PRUNE2: variants seen among roughly 807,000 people sequenced by gnomAD.
The protein encoded by PRUNE2 is protein prune homolog 2.
A neutral mutation model predicts 252.0 loss-of-function variants in PRUNE2; 164 were observed. The observed-to-expected ratio is 0.65, with a 90% confidence interval of 0.57 to 0.74. The LOEUF (loss-of-function observed/expected upper bound fraction) is 0.74. Among genes scored for constraint, PRUNE2 ranks in the 30% least tolerant of loss-of-function variants. The pLI, the probability that PRUNE2 is intolerant of heterozygous loss-of-function variation, is 0.00. For synonymous variants in PRUNE2, 1,292 were observed against 1,350.2 expected (o/e 0.96, Z 0.94); for missense variants, 3,495 against 3,711.0 (o/e 0.94, Z 1.51).
chr9:76,647,396 T>C lies in PRUNE2; in HGVS notation c.8558-2487A>G, dbSNP rs187244349. Among the ~76,000 whole-genome samples the C allele has an allele frequency of 5.4e-4, 82 of 152,272 alleles. No individual in the cohort carries two copies. In the East Asian group the frequency reaches 0.015, roughly 28 times the overall value. On this transcript the variant is annotated intron_variant, in intron 11 of 18. Transcript: ENST00000376718. ...ACAAAAGTTAATTGAAAATGGATCA[T>C]AGACCTAAATGTAAAATTCAAAACT...
intron 18 of PRUNE2, among the ~76,000 whole-genome samples, chr9:76,617,287 A>G (rs1329020): frequency 0.92 from 140,791 of 152,214 alleles, 65,204 homozygotes; most frequent in Admixed American, 0.95. Flanking sequence ...GGCCACTACG[A>G]TAACAGCACA....
At chr9:76,820,364 G>A (rs1050027593) in intron 6 of PRUNE2, among the ~76,000 whole-genome samples, 3 of 152,204 alleles carry the variant, frequency 2.0e-5, no homozygotes, top group Non-Finnish European at 4.4e-5. Context: ...GGGTTTAGAA[G>A]CTTTCTTCTT....
chr9:76,680,634 A>G (rs2043320168), intron 9 of PRUNE2, among the ~76,000 whole-genome samples: 1 of 152,240 alleles, frequency 6.6e-6, no homozygotes, highest in South Asian at 2.1e-4. Context: ...AATAGGTGGA[A>G]GCAACTCAAG....
At chr9:76,711,552 T>C (rs572843024) in intron 7 of PRUNE2, among the ~76,000 whole-genome samples, 194 bp from the exon 8 acceptor site, 1 of 152,354 alleles carries the variant, frequency 6.6e-6, no homozygotes, top group South Asian at 2.1e-4. Context: ...TCCAACTGTC[T>C]CTCTGTTTAA....
At chr9:76,790,974 G>C (rs551560155) in intron 6 of PRUNE2, among the ~76,000 whole-genome samples, 1 of 152,290 alleles carries the variant, frequency 6.6e-6, no homozygotes, top group Admixed American at 6.5e-5. Flanking sequence ...GTTTAAAACT[G>C]ATTCTTTTAG....
rs1202349584 is a variant in PRUNE2, at chr9:76,710,737, CA to C, written c.1536del (p.Ala513GlnfsTer73). On this transcript the variant is annotated frameshift_variant, in exon 8 of 19. Coordinates refer to ENST00000376718, the MANE Select transcript of PRUNE2 (RefSeq NM_015225.3). LOFTEE classifies it high-confidence loss of function. ...ASGQSQQSSH[S>X]ADYSPADDFF... ...AAGTCATCTGCTGGGGAGTAGTCTG[CA>C]GAATGAGAAGATTGCTGGGACTGCC... The C allele has an allele frequency of 6.2e-7, 1 of 1,612,106 alleles. No individual in the cohort carries two copies. Among genetic ancestry groups the C allele is most frequent in the Non-Finnish European group, 8.5e-7 (1 of 1,179,136 alleles).
At chr9:76,855,082 A>AAAAAAAAAAT (rs1490285240) in intron 1 of PRUNE2, among the ~76,000 whole-genome samples, 11 of 109,434 alleles carry the variant, frequency 1.0e-4, no homozygotes, top group African/African-American at 4.2e-4. Context: ...AAAAAAAAAA[A>AAAAAAAAAAT]ATATATATAT....
Position 76,630,406 on chromosome 9 carries a change from A to G in PRUNE2, c.9051-1116T>C, listed in dbSNP as rs114044178. On this transcript the variant is annotated intron_variant, in intron 15 of 18. Coordinates refer to ENST00000376718, the MANE Select transcript of PRUNE2 (RefSeq NM_015225.3). ...AGAGATGTGTAAATGCACAGAGAACAACTTGGAAGGATACCAATGAAACTG... is the reference window on the plus strand; with the variant it reads ...AGAGATGTGTAAATGCACAGAGAACGACTTGGAAGGATACCAATGAAACTG... 9.6e-3 allele frequency among the ~76,000 whole-genome samples: 1,462 copies of G among 152,330 alleles called. 21 individuals carry two copies. Among genetic ancestry groups the G allele is most frequent in the African/African-American group, 0.033 (1,388 of 41,574 alleles).
At chr9:76,834,929 C>G (rs1199314244) in intron 4 of PRUNE2, among the ~76,000 whole-genome samples, 1 of 152,146 alleles carries the variant, frequency 6.6e-6, no homozygotes, top group Non-Finnish European at 1.5e-5. Flanking sequence ...ATTTTTGTAG[C>G]AAGCACTGAC....
chr9:76,629,312 A>C, intron 15 of PRUNE2, 22 bp from the exon 16 acceptor site: 1 of 1,271,556 alleles, frequency 7.9e-7, no homozygotes, highest in Non-Finnish European at 1.1e-6. Flanking sequence ...AAAAAGAAAA[A>C]AATATGTATC....
At chr9:76,717,488 C>G (rs114717322) in intron 6 of PRUNE2, among the ~76,000 whole-genome samples, 289 of 152,238 alleles carry the variant, frequency 1.9e-3, no homozygotes, top group African/African-American at 6.6e-3. Flanking sequence ...TTTATTCCCC[C>G]CATCTGCCTT....
chr9:76,801,506 C>T (rs575316885), intron 6 of PRUNE2, among the ~76,000 whole-genome samples: 1 of 151,994 alleles, frequency 6.6e-6, no homozygotes, highest in Non-Finnish European at 1.5e-5. Flanking sequence ...AAATGAGCAA[C>T]TCTTTTTCAA....
At chr9:76,792,826 T>G (rs949231546) in intron 6 of PRUNE2, among the ~76,000 whole-genome samples, 1 of 152,384 alleles carries the variant, frequency 6.6e-6, no homozygotes, top group South Asian at 2.1e-4. Flanking sequence ...TATTTTGGTC[T>G]TTTAATGTAA....
At chr9:76,749,692 G>A (rs1288490199) in intron 6 of PRUNE2, among the ~76,000 whole-genome samples, 1 of 152,150 alleles carries the variant, frequency 6.6e-6, no homozygotes, top group Non-Finnish European at 1.5e-5. Context: ...ACTGCGTCAG[G>A]TGAGCAGACC....
At chr9:76,723,046 CT>C (rs1416828591) in intron 6 of PRUNE2, among the ~76,000 whole-genome samples, 1 of 152,232 alleles carries the variant, frequency 6.6e-6, no homozygotes, top group African/African-American at 2.4e-5. Flanking sequence ...CTGCTTACGT[CT>C]TTTGAAGATC....
intron 6 of PRUNE2, among the ~76,000 whole-genome samples, chr9:76,746,768 T>G (rs1353355304): frequency 1.3e-5 from 2 of 148,258 alleles, no homozygotes; most frequent in African/African-American, 5.0e-5. Flanking sequence ...TTGGGGAGCT[T>G]CGGGATAGCC....
Position 76,706,001 on chromosome 9 carries a change from C to G in PRUNE2, c.6273G>C (p.Thr2091=). 2 of 1,613,976 alleles carry G rather than the reference C, an allele frequency of 1.2e-6. No homozygotes were observed. The highest frequency in any genetic ancestry group is 1.7e-6 in the Non-Finnish European group (2 of 1,179,884). Residue 2091 remains threonine (T), a synonymous_variant, in exon 8 of 19, where the codon ACG becomes ACC. Transcript: ENST00000376718. ...KADGENPDIL[T]HCEHDSNSQA... Reference sequence around the variant, plus strand: ...GAGAATTGCTGTCATGTTCGCAGTGCGTCAGGATATCAGGATTCTCACCAT... The same window carrying G: ...GAGAATTGCTGTCATGTTCGCAGTGGGTCAGGATATCAGGATTCTCACCAT...
intron 5 of PRUNE2, 128 bp downstream of exon 5, chr9:76,826,452 G>A (rs1163274110): frequency 6.0e-6 from 4 of 671,100 alleles, no homozygotes; most frequent in Non-Finnish European, 9.7e-6. Context: ...CAGCCTGGGG[G>A]ATAGAGTGAG....
At chr9:76,622,299 C>T (rs1832719122) in intron 17 of PRUNE2, among the ~76,000 whole-genome samples, 1 of 151,652 alleles carries the variant, frequency 6.6e-6, no homozygotes. Flanking sequence ...AGGAAGAGAA[C>T]AAAATAGTGG....
Sources: gnomAD v4.1 joint callset for allele counts (sites outside exome capture counted in the v4.1 genomes callset) on GRCh38, gnomAD v4.1.1 for gene constraint, MANE v1.5 for transcripts, NCBI Gene and HGNC (gene_info 2026-07-23, HGNC 2026-07-21) for gene names.